The following FAF1 variants were observed in gnomAD, a reference collection of about 807,000 sequenced individuals.
FAF1 encodes the protein Fas associated factor 1, also known as FAS-associated factor 1.
A neutral mutation model predicts 92.5 loss-of-function variants in FAF1; 25 were observed. The observed-to-expected ratio is 0.27, with a 90% CI of 0.20 to 0.38. FAF1 has a LOEUF of 0.38. Among genes scored for constraint, FAF1 ranks in the 10% least tolerant of loss-of-function variants. The probability of loss-of-function intolerance (pLI) is 1.00; values close to 1 mark genes in which losing one functional copy is unlikely to be tolerated. For synonymous variants in FAF1, 234 were observed against 273.2 expected (o/e 0.86, Z 1.42); for missense variants, 636 against 793.3 (o/e 0.80, Z 2.38).
chr1:50,535,575 T>C, intron 14 of FAF1, 118 bp from the exon 15 acceptor site: 2 of 550,838 alleles, frequency 3.6e-6, no homozygotes, highest in South Asian at 6.7e-5. Flanking sequence ...ATAATCAGTC[T>C]AAAAAAATTA....
At chr1:50,662,544 T>C (rs1347006752) in intron 7 of FAF1, among the ~76,000 whole-genome samples, 6 of 152,164 alleles carry the variant, frequency 3.9e-5, no homozygotes, top group Admixed American at 3.9e-4. Context: ...GATTTAACAC[T>C]TCCATGGGTA....
intron 2 of FAF1, among the ~76,000 whole-genome samples, chr1:50,825,120 A>T (rs1370808966): frequency 6.6e-6 from 1 of 152,152 alleles, no homozygotes; most frequent in Non-Finnish European, 1.5e-5. Flanking sequence ...TGCTCCCAAC[A>T]CAAAGAAATG....
chr1:50,763,399 T>C (rs1660437648), intron 4 of FAF1, among the ~76,000 whole-genome samples: 1 of 152,216 alleles, frequency 6.6e-6, no homozygotes, highest in Admixed American at 6.5e-5. Context: ...TGCGGTTTCC[T>C]CTGAGTTACT....
intron 1 of FAF1, among the ~76,000 whole-genome samples, chr1:50,905,878 T>C (rs1006456527): frequency 7.9e-5 from 12 of 152,192 alleles, no homozygotes; most frequent in Admixed American, 7.2e-4. Flanking sequence ...AGCTCTTTAG[T>C]TTAATTAGAT....
At chr1:50,646,688 A>G (rs577979258) in intron 8 of FAF1, among the ~76,000 whole-genome samples, 1 of 152,290 alleles carries the variant, frequency 6.6e-6, no homozygotes, top group South Asian at 2.1e-4. Context: ...ATCCCATTGC[A>G]TTTATATACT....
chr1:50,469,758 A>T (rs1646547764), intron 18 of FAF1, among the ~76,000 whole-genome samples: 1 of 152,166 alleles, frequency 6.6e-6, no homozygotes, highest in Non-Finnish European at 1.5e-5. Context: ...TATAGAGGGA[A>T]AGAGAAGAAA....
intron 2 of FAF1, among the ~76,000 whole-genome samples, chr1:50,829,611 G>C (rs1342291573): frequency 1.3e-5 from 2 of 152,166 alleles, no homozygotes; most frequent in Non-Finnish European, 2.9e-5. Flanking sequence ...GCAGTCAAAG[G>C]TAACACCCCT....
chr1:50,865,024 G>A (rs1279776059), intron 1 of FAF1, among the ~76,000 whole-genome samples: 62 of 152,132 alleles, frequency 4.1e-4, no homozygotes, highest in Admixed American at 8.5e-4. Context: ...AAAAGTGGGC[G>A]AAGGACATGA....
rs755424291 is a variant in FAF1 at position 50,874,758 on chromosome 1, C to CTTTTTT, written c.46-16767_46-16762dup. On this transcript the variant is annotated intron_variant, in intron 1 of 18. Transcript: ENST00000396153. ...TTCTCCATCTTATTTTCTTTTCTTTCTTTTTTTTTTTTTTTTTTTTTTTTT... is the reference window on the plus strand; with the variant it reads ...TTCTCCATCTTATTTTCTTTTCTTTCTTTTTTTTTTTTTTTTTTTTTTTTTTTTTTT... 1.9e-3 allele frequency among the ~76,000 whole-genome samples: 130 copies of CTTTTTT among 67,260 alleles called. 7 individuals are homozygous for CTTTTTT. The highest frequency in any genetic ancestry group is 2.7e-3 in the Non-Finnish European group (98 of 36,414). 44.1% of individuals were successfully genotyped at this position (67,260 alleles called of 152,430 possible).
At chr1:50,855,646 T>C (rs1166485201) in intron 2 of FAF1, among the ~76,000 whole-genome samples, 1 of 151,888 alleles carries the variant, frequency 6.6e-6, no homozygotes, top group Admixed American at 6.6e-5. Flanking sequence ...TTATTCAAAA[T>C]ATTTGTTTCA....
intron 7 of FAF1, among the ~76,000 whole-genome samples, chr1:50,661,778 T>C (rs147571054): frequency 2.6e-5 from 4 of 152,310 alleles, no homozygotes; most frequent in African/African-American, 9.6e-5. Context: ...GAAAGGCTTA[T>C]AGTTAAGAAA....
chr1:50,497,392 T>G (rs1033103127), intron 15 of FAF1, among the ~76,000 whole-genome samples: 8 of 151,996 alleles, frequency 5.3e-5, no homozygotes, highest in African/African-American at 1.9e-4. Flanking sequence ...ATCAATAGTA[T>G]ATGTATTACA....
intron 1 of FAF1, among the ~76,000 whole-genome samples, chr1:50,913,417 G>A (rs1444181450): frequency 2.0e-5 from 3 of 152,180 alleles, no homozygotes; most frequent in South Asian, 2.1e-4. Context: ...AACTTACTCA[G>A]CTACTTGGTG....
intron 4 of FAF1, among the ~76,000 whole-genome samples, chr1:50,763,871 C>A (rs574279253): frequency 6.6e-6 from 1 of 152,248 alleles, no homozygotes; most frequent in South Asian, 2.1e-4. Context: ...TAAGAAACCA[C>A]CATTTCCCAA....
intron 18 of FAF1, among the ~76,000 whole-genome samples, chr1:50,455,625 T>C (rs1485531869): frequency 6.6e-6 from 1 of 152,032 alleles, no homozygotes; most frequent in Non-Finnish European, 1.5e-5. Context: ...TCACATAATA[T>C]CAGAGCTGAA....
intron 18 of FAF1, among the ~76,000 whole-genome samples, chr1:50,474,685 C>T (rs1248700928): frequency 6.6e-6 from 1 of 152,190 alleles, no homozygotes; most frequent in Admixed American, 6.5e-5. Context: ...TCTATTTCTA[C>T]ACATTTCTGT....
intron 6 of FAF1, among the ~76,000 whole-genome samples, chr1:50,713,735 T>G (rs1468359604): frequency 6.6e-6 from 1 of 151,748 alleles, no homozygotes; most frequent in African/African-American, 2.4e-5. Context: ...GTAGTTGAGA[T>G]TACAACCGTA....
intron 8 of FAF1, among the ~76,000 whole-genome samples, chr1:50,632,779 G>GTTC (rs905037977): frequency 2.0e-5 from 3 of 152,076 alleles, no homozygotes; most frequent in Non-Finnish European, 2.9e-5. Context: ...TGTTTGTGGT[G>GTTC]TTCTTCTTCT....
chr1:50,906,784 G>A (rs1312960003), intron 1 of FAF1, among the ~76,000 whole-genome samples: 2 of 152,178 alleles, frequency 1.3e-5, no homozygotes, highest in Admixed American at 6.5e-5. Context: ...TTTGGGCTGA[G>A]ACGATGGGGT....
Sources: allele counts gnomAD v4.1 joint callset (sites outside exome capture counted in the v4.1 genomes callset), GRCh38; gene constraint gnomAD v4.1.1; transcripts MANE v1.5; gene names NCBI Gene and HGNC (gene_info 2026-07-23, HGNC 2026-07-21).